TLR4: variants seen among roughly 807,000 people sequenced by gnomAD.
The protein encoded by TLR4 is toll like receptor 4.
TLR4 carries 17 observed loss-of-function variants against 27.4 expected under a neutral mutation model. That is an observed-to-expected ratio of 0.62 (90% CI 0.42 to 0.93). The LOEUF (loss-of-function observed/expected upper bound fraction) is 0.93, where lower values mean the gene tolerates loss of function less well. TLR4 is among the 40% of genes least tolerant of loss of function. The pLI is 0.00. For synonymous variants in TLR4, 363 were observed against 365.7 expected (o/e 0.99, Z 0.08); for missense variants, 926 against 962.3 (o/e 0.96, Z 0.50).
chr9:117,716,091 C>T lies in TLR4; in HGVS notation c.*1443C>T, dbSNP rs997022521. The T allele has an allele frequency of 2.0e-5, 3 of 152,050 alleles. No individual in the cohort carries two copies. Among genetic ancestry groups the T allele is most frequent in the Admixed American group, 6.6e-5 (1 of 15,260 alleles). 9.4% of individuals were successfully genotyped at this position (152,050 alleles called of 1,614,324 possible). ...ATCAAGGATATAGAGAAATTGGAAC[C>T]CTTCTTCACTGCTGGAGGGAATGGA... is the stretch of plus-strand genomic sequence containing the variant. On this transcript the variant is annotated 3_prime_UTR_variant, in exon 3 of 3. Transcript: ENST00000355622.
rs371379086 is a variant in TLR4 at position 117,723,896 on chromosome 9, A to G, written c.*9248A>G. ...CTCCCAGGCTCCTACACTGTTAGTC[A>G]CAGAGGTACCATTCGACCCCTTGTG... On this transcript the variant is annotated 3_prime_UTR_variant, in exon 3 of 3. Coordinates refer to ENST00000355622, the MANE Select transcript of TLR4 (RefSeq NM_138554.5). The G allele has an allele frequency of 1.6e-4, 24 of 152,308 alleles. No individual in the cohort carries two copies. The highest frequency in any genetic ancestry group is 5.5e-4 in the African/African-American group (23 of 41,560). 9.4% of individuals were successfully genotyped at this position (152,308 alleles called of 1,614,324 possible). A position where few individuals can be genotyped will look rare whatever the true frequency, so the allele number is the denominator to read the frequency against.
Position 117,714,138 on chromosome 9 carries a change from T to G in TLR4, c.2010T>G (p.Gly670=). The G allele has an allele frequency of 6.2e-7, 1 of 1,614,058 alleles. No homozygotes were observed. Among genetic ancestry groups the G allele is most frequent in the Admixed American group, 1.7e-5 (1 of 59,988 alleles). ...CTGGCTGCATAAAGTATGGTAGAGG[T>G]GAAAACATCTATGATGCCTTTGTTA... ...LLAGCIKYGR[G]ENIYDAFVIY... The change falls in exon 3 of 3, where the codon GGT becomes GGG. Residue 670 remains glycine, a synonymous_variant. Coordinates refer to ENST00000355622, the MANE Select transcript of TLR4 (RefSeq NM_138554.5).
rs1018673641 is a variant in TLR4 at position 117,712,426 on chromosome 9, A to T, written c.298A>T (p.Ser100Cys). 8 of 1,613,910 alleles carry T rather than the reference A, an allele frequency of 5.0e-6. No individual in the cohort carries two copies. The highest frequency in any genetic ancestry group is 5.9e-6 in the Non-Finnish European group (7 of 1,179,910). The stretch of plus-strand genomic sequence containing the variant: ...GACAATTGAAGATGGGGCATATCAG[A>T]GCCTAAGCCACCTCTCTACCTTAAT... Reference protein sequence around the residue: ...IQTIEDGAYQSLSHLSTLILT... With the variant: ...IQTIEDGAYQCLSHLSTLILT... The change falls in exon 3 of 3, where the codon AGC becomes TGC. Residue 100 changes from serine (S) to cysteine (C), a missense_variant. Ser to Cys is a moderately radical substitution (Grantham distance 112, BLOSUM62 -1). Transcript: ENST00000355622.
intron 1 of TLR4, among the ~76,000 whole-genome samples, chr9:117,706,406 T>G (rs560002641): frequency 3.9e-5 from 6 of 152,338 alleles, no homozygotes; most frequent in Middle Eastern, 3.4e-3. Context: ...TCTCTCCCTT[T>G]GTAATGGAAT....
rs748554456 is a variant in TLR4 at position 117,712,659 on chromosome 9, A to G, written c.531A>G (p.Leu177=). 4.3e-6 allele frequency: 7 copies of G among 1,613,570 alleles called. No individual in the cohort carries two copies. The highest frequency in any genetic ancestry group is 1.1e-5 in the South Asian group (1 of 90,658). ...LPEYFSNLTN[L]EHLDLSSNKI... The stretch of plus-strand genomic sequence containing the variant: ...AGTATTTTTCTAATCTGACCAATCT[A>G]GAGCACTTGGACCTTTCCAGCAACA... The change falls in exon 3 of 3, where the codon CTA becomes CTG. Residue 177 remains leucine, a synonymous_variant. Transcript: ENST00000355622.
chr9:117,706,097 G>C (rs989790651), intron 1 of TLR4, among the ~76,000 whole-genome samples: 2 of 152,038 alleles, frequency 1.3e-5, no homozygotes, highest in African/African-American at 4.8e-5. Flanking sequence ...ACTAAGTCTG[G>C]AATTTAGTAT....
Position 117,715,804 on chromosome 9 carries a change from T to C in TLR4, c.*1156T>C, listed in dbSNP as rs1829336512. On this transcript the variant is annotated 3_prime_UTR_variant, in exon 3 of 3. Coordinates refer to ENST00000355622, the MANE Select transcript of TLR4 (RefSeq NM_138554.5). ...GTGAAGGTATTCAAGGCAGGGAGTA[T>C]ACATTGCTGTTTCCTGTTGGGCAAT... 6.6e-6 allele frequency: 1 copy of C among 152,200 alleles called. No individual in the cohort carries two copies. The highest frequency in any genetic ancestry group is 2.1e-4 in the South Asian group (1 of 4,830). The allele number at this position is 152,200 out of a possible 1,614,324, so 9.4% of individuals were successfully genotyped here.
chr9:117,720,418 A>T lies in TLR4; in HGVS notation c.*5770A>T, dbSNP rs1829409274. 6.6e-6 allele frequency: 1 copy of T among 152,180 alleles called. No homozygotes were observed. 9.4% of individuals were successfully genotyped at this position (152,180 alleles called of 1,614,324 possible). ...CTTGATTTCTACAGAAATAAAGATG[A>T]TCCCTCCTGTGACAGTGCTAAGTGA... On this transcript the variant is annotated 3_prime_UTR_variant, in exon 3 of 3. Coordinates refer to ENST00000355622, the MANE Select transcript of TLR4 (RefSeq NM_138554.5).
chr9:117,705,075 T>C (rs1165135896), intron 1 of TLR4, among the ~76,000 whole-genome samples: 1 of 151,708 alleles, frequency 6.6e-6, no homozygotes, highest in Non-Finnish European at 1.5e-5. Flanking sequence ...TATGCAGTAA[T>C]ATAGTTTAGT....
In TLR4 at chr9:117,722,550, A is replaced by C. The variant is rs1829434565; in HGVS notation, c.*7902A>C. On this transcript the variant is annotated 3_prime_UTR_variant, in exon 3 of 3. Transcript: ENST00000355622. ...ATAGGGCCTTCTGAGTCCTCTCTAC[A>C]CATCATCTTTGGCTGAATTAGCTGT... 6.6e-6 allele frequency: 1 copy of C among 152,208 alleles called. No homozygotes were observed. The highest frequency in any genetic ancestry group is 1.5e-5 in the Non-Finnish European group (1 of 68,064). 9.4% of individuals were successfully genotyped at this position (152,208 alleles called of 1,614,324 possible).
rs1036427372 is a variant in TLR4, at chr9:117,712,645, A to G, written c.517A>G (p.Asn173Asp). ...TTTCAAATTACCTGAGTATTTTTCT[A>G]ATCTGACCAATCTAGAGCACTTGGA... ...QSFKLPEYFS[N>D]LTNLEHLDLS... is the part of the protein sequence containing the mutation. The change falls in exon 3 of 3, where the codon AAT becomes GAT. Residue 173 changes from asparagine (N) to aspartate (D), a missense_variant. Coordinates refer to ENST00000355622, the MANE Select transcript of TLR4 (RefSeq NM_138554.5). The G allele has an allele frequency of 6.2e-7, 1 of 1,613,958 alleles. No homozygotes were observed. Among genetic ancestry groups the G allele is most frequent in the African/African-American group, 1.3e-5 (1 of 74,924 alleles).
rs1829255259 is a variant in TLR4 at position 117,712,700 on chromosome 9, A to G, written c.572A>G (p.Tyr191Cys). 6.2e-7 allele frequency: 1 copy of G among 1,614,122 alleles called. No homozygotes were observed. The highest frequency in any genetic ancestry group is 8.5e-7 in the Non-Finnish European group (1 of 1,180,008). ...DLSSNKIQSI[Y>C]CTDLRVLHQM... is the part of the protein sequence containing the mutation. ...TCCAGCAACAAGATTCAAAGTATTTATTGCACAGACTTGCGGGTTCTACAT... is the reference window on the plus strand; with the variant it reads ...TCCAGCAACAAGATTCAAAGTATTTGTTGCACAGACTTGCGGGTTCTACAT... The change falls in exon 3 of 3, where the codon TAT becomes TGT. Residue 191 changes from tyrosine (Y) to cysteine (C), a missense_variant. Physicochemically the swap from Tyr to Cys is radical, Grantham distance 194. Transcript: ENST00000355622.
At chr9:117,709,329 T>C (rs1382541349) in intron 2 of TLR4, among the ~76,000 whole-genome samples, 4 of 152,072 alleles carry the variant, frequency 2.6e-5, no homozygotes, top group African/African-American at 9.7e-5. Flanking sequence ...TCAAGAAAGA[T>C]TTCATGAACT....
rs1829361628 is a variant in TLR4, at chr9:117,717,115, G to A, written c.*2467G>A. ...ATCAGGGCTGTGTGTATTTGAAAGTGTGTGTGTCCGCATGATCATATCTGT... is the reference window on the plus strand; with the variant it reads ...ATCAGGGCTGTGTGTATTTGAAAGTATGTGTGTCCGCATGATCATATCTGT... On this transcript the variant is annotated 3_prime_UTR_variant, in exon 3 of 3. Coordinates refer to ENST00000355622, the MANE Select transcript of TLR4 (RefSeq NM_138554.5). 1 of 152,116 alleles carries A rather than the reference G, an allele frequency of 6.6e-6. No homozygotes were observed. Among genetic ancestry groups the A allele is most frequent in the Non-Finnish European group, 1.5e-5 (1 of 68,022 alleles). 9.4% of individuals were successfully genotyped at this position (152,116 alleles called of 1,614,324 possible). A position where few individuals can be genotyped will look rare whatever the true frequency, so the allele number is the denominator to read the frequency against.
Position 117,713,248 on chromosome 9 carries a change from A to C in TLR4, c.1120A>C (p.Ser374Arg), listed in dbSNP as rs1829273789. 1 of 1,613,916 alleles carries C rather than the reference A, an allele frequency of 6.2e-7. No homozygotes were observed. Among genetic ancestry groups the C allele is most frequent in the Non-Finnish European group, 8.5e-7 (1 of 1,179,994 alleles). The change falls in exon 3 of 3, where the codon AGC becomes CGC. Residue 374 changes from serine to arginine, a missense_variant. By Grantham distance (110) the Ser-to-Arg change is moderately radical. Transcript: ENST00000355622. ...GNAFSEVDLP[S>R]LEFLDLSRNG... is the part of the protein sequence containing the mutation. ...TGCTTTTTCAGAAGTTGATCTACCA[A>C]GCCTTGAGTTTCTAGATCTCAGTAG...
Position 117,716,907 on chromosome 9 carries a change from A to T in TLR4, c.*2259A>T, listed in dbSNP as rs193174534. The stretch of plus-strand genomic sequence containing the variant: ...ATGAAGCTATAAAAAAGAAAAGACA[A>T]CAAAATTCAGTTGTCAAAACTGGAA... On this transcript the variant is annotated 3_prime_UTR_variant, in exon 3 of 3. Coordinates refer to ENST00000355622, the MANE Select transcript of TLR4 (RefSeq NM_138554.5). The T allele has an allele frequency of 6.6e-6, 1 of 152,330 alleles. No individual in the cohort carries two copies. The highest frequency in any genetic ancestry group is 1.9e-4 in the East Asian group (1 of 5,184). 9.4% of individuals were successfully genotyped at this position (152,330 alleles called of 1,614,324 possible).
In TLR4 at chr9:117,712,608, T is replaced by C. The variant is rs1829252939; in HGVS notation, c.480T>C (p.Asn160=). 1 of 1,614,086 alleles carries C rather than the reference T, an allele frequency of 6.2e-7. No individual in the cohort carries two copies. The highest frequency in any genetic ancestry group is 1.1e-5 in the South Asian group (1 of 91,078). The change falls in exon 3 of 3, where the codon AAT becomes AAC. Residue 160 remains asparagine, a synonymous_variant. Coordinates refer to ENST00000355622, the MANE Select transcript of TLR4 (RefSeq NM_138554.5). ...TGAAAGAACTTAATGTGGCTCACAA[T>C]CTTATCCAATCTTTCAAATTACCTG... ...KTLKELNVAH[N]LIQSFKLPEY...
In TLR4 at chr9:117,712,502, T is replaced by C; in HGVS notation, c.374T>C (p.Leu125Pro). Residue 125 changes from leucine to proline, a missense_variant, in exon 3 of 3, where the codon CTA (leucine) becomes CCA (proline). Coordinates refer to ENST00000355622, the MANE Select transcript of TLR4 (RefSeq NM_138554.5). ...QSLALGAFSG[L>P]SSLQKLVAVE... ...TTAGCCCTGGGAGCCTTTTCTGGAC[T>C]ATCAAGTTTACAGAAGCTGGTGGCT... is the stretch of plus-strand genomic sequence containing the variant. 1.9e-6 allele frequency: 3 copies of C among 1,614,008 alleles called. No homozygotes were observed. The highest frequency in any genetic ancestry group is 2.5e-6 in the Non-Finnish European group (3 of 1,179,936).
chr9:117,709,621 T>C (rs1829197004), intron 2 of TLR4, among the ~76,000 whole-genome samples: 1 of 152,216 alleles, frequency 6.6e-6, no homozygotes, highest in Non-Finnish European at 1.5e-5. Context: ...TCATGTTCTC[T>C]GCAATGGTTT....
Sources: gnomAD v4.1 joint callset for allele counts (sites outside exome capture counted in the v4.1 genomes callset) on GRCh38, gnomAD v4.1.1 for gene constraint, MANE v1.5 for transcripts, NCBI Gene and HGNC (gene_info 2026-07-23, HGNC 2026-07-21) for gene names.